TCAIM: variants seen among roughly 807,000 people sequenced by gnomAD.
TCAIM encodes the protein T cell activation inhibitor, mitochondrial, also known as T-cell activation inhibitor, mitochondrial.
TCAIM carries 36 observed loss-of-function variants against 58.6 expected under a neutral mutation model. The observed-to-expected ratio is 0.61, with a 90% CI of 0.47 to 0.81. The LOEUF is 0.81. TCAIM is among the 30% of genes least tolerant of loss of function. The probability of loss-of-function intolerance (pLI) is 0.00; values close to 1 mark genes in which losing one functional copy is unlikely to be tolerated. For missense variants in TCAIM, 466 were observed against 579.6 expected (o/e 0.80, Z 2.01); for synonymous variants, 172 against 193.6 (o/e 0.89, Z 0.93).
intron 5 of TCAIM, 25 bp downstream of exon 5, chr3:44,367,733 A>G: frequency 1.3e-6 from 2 of 1,578,160 alleles, no homozygotes; most frequent in Non-Finnish European, 1.7e-6. Flanking sequence ...TTATCTAACT[A>G]AACTGTATTT....
chr3:44,361,656 AATTAG>A (rs1464397003), intron 4 of TCAIM, 138 bp downstream of exon 4: 2 of 949,968 alleles, frequency 2.1e-6, no homozygotes, highest in Admixed American at 7.5e-5. Context: ...GTTTTCCTAG[AATTAG>A]ATTCTATTCC....
chr3:44,401,434 G>T lies in TCAIM; in HGVS notation c.1250+100G>T, dbSNP rs1350143621. On this transcript the variant is annotated intron_variant, in intron 10 of 10. Coordinates refer to ENST00000342649, the MANE Select transcript of TCAIM (RefSeq NM_173826.4). ...ATATGGGACCTGGAAACAGTATGAA[G>T]CTTAGGAAATTGACTAATTATTAGA... The T allele has an allele frequency of 6.3e-6, 9 of 1,435,670 alleles. No homozygotes were observed. The East Asian group carries it at 2.1e-4, about 34-fold the overall frequency. The allele number at this position is 1,435,670 out of a possible 1,614,324, so 88.9% of individuals were successfully genotyped here.
chr3:44,366,950 C>T (rs1454347887), intron 4 of TCAIM, among the ~76,000 whole-genome samples: 12 of 152,094 alleles, frequency 7.9e-5, no homozygotes. Context: ...GTGGAGTGAG[C>T]AAGTATGAGG....
At chr3:44,376,811 G>A (rs563161880) in intron 5 of TCAIM, among the ~76,000 whole-genome samples, 113 of 152,304 alleles carry the variant, frequency 7.4e-4, no homozygotes, top group African/African-American at 2.3e-3. Flanking sequence ...TGATTTGGCC[G>A]GGCGAGGTGG....
chr3:44,349,036 C>T (rs763016894), intron 1 of TCAIM, among the ~76,000 whole-genome samples: 41 of 151,670 alleles, frequency 2.7e-4, no homozygotes, highest in Admixed American at 2.5e-3. Context: ...GGTTGGGGAG[C>T]GGAGGCTAAG....
At chr3:44,372,890 G>A (rs1283545276) in intron 5 of TCAIM, among the ~76,000 whole-genome samples, 4 of 152,130 alleles carry the variant, frequency 2.6e-5, no homozygotes, top group South Asian at 4.2e-4. Context: ...CACTGCACCC[G>A]GCCCAAAATT....
At chr3:44,394,926 A>G (rs1176665023) in intron 6 of TCAIM, among the ~76,000 whole-genome samples, 6 of 20,770 alleles carry the variant, frequency 2.9e-4, no homozygotes, top group African/African-American at 1.2e-3. Flanking sequence ...AAAAAAATAT[A>G]TATATATATA....
At chr3:44,376,089 T>C (rs575431924) in intron 5 of TCAIM, among the ~76,000 whole-genome samples, 1 of 152,346 alleles carries the variant, frequency 6.6e-6, no homozygotes, top group African/African-American at 2.4e-5. Flanking sequence ...ACATACTGTG[T>C]GATTCCATTT....
At chr3:44,352,378 C>T (rs544288849) in intron 1 of TCAIM, among the ~76,000 whole-genome samples, 6 of 152,172 alleles carry the variant, frequency 3.9e-5, no homozygotes, top group East Asian at 1.9e-4. Flanking sequence ...GTAGTATATT[C>T]GAATATCTTG....
In TCAIM at chr3:44,387,953, T is replaced by G. The variant is rs181232401; in HGVS notation, c.573-4902T>G. ...AATTTGCAGAAATAATATAAAGAAG[T>G]CCCATGTAACCTCCACCCAGATTCC... On this transcript the variant is annotated intron_variant, in intron 5 of 10. Transcript: ENST00000342649. Among the ~76,000 whole-genome samples the G allele has an allele frequency of 2.6e-3, 398 of 151,960 alleles. 5 individuals are homozygous for G. Among genetic ancestry groups the G allele is most frequent in the African/African-American group, 9.3e-3 (385 of 41,496 alleles).
intron 3 of TCAIM, chr3:44,359,879 G>T (rs1332764663): frequency 2.0e-5 from 3 of 152,206 alleles, no homozygotes; most frequent in Non-Finnish European, 2.9e-5. Flanking sequence ...GACACAATGT[G>T]CCTAGAGTTT....
intron 1 of TCAIM, among the ~76,000 whole-genome samples, chr3:44,350,551 T>C (rs1575238573): frequency 2.0e-5 from 3 of 151,992 alleles, no homozygotes; most frequent in African/African-American, 7.2e-5. Flanking sequence ...TTACCTTAGC[T>C]TTCTGAGTAG....
chr3:44,351,148 C>T (rs1701080242), intron 1 of TCAIM, among the ~76,000 whole-genome samples: 1 of 152,150 alleles, frequency 6.6e-6, no homozygotes, highest in Non-Finnish European at 1.5e-5. Flanking sequence ...ACCACCATGG[C>T]TGGCTAATTT....
chr3:44,356,833 G>A (rs1253212066), intron 2 of TCAIM, among the ~76,000 whole-genome samples: 1 of 150,068 alleles, frequency 6.7e-6, no homozygotes, highest in Non-Finnish European at 1.5e-5. Context: ...AAAAACAGTC[G>A]GCGGTAGTGG....
chr3:44,364,573 T>C (rs1701343988), intron 4 of TCAIM, among the ~76,000 whole-genome samples: 1 of 152,022 alleles, frequency 6.6e-6, no homozygotes, highest in Non-Finnish European at 1.5e-5. Flanking sequence ...AAACCCCGTC[T>C]CTACTAAAAA....
At chr3:44,347,963 C>T (rs367851988) in intron 1 of TCAIM, among the ~76,000 whole-genome samples, 2 of 152,198 alleles carry the variant, frequency 1.3e-5, no homozygotes, top group South Asian at 2.1e-4. Context: ...TAGGAATAGT[C>T]AGGAAAGCAG....
At chr3:44,366,909 A>G (rs1701388117) in intron 4 of TCAIM, among the ~76,000 whole-genome samples, 1 of 152,148 alleles carries the variant, frequency 6.6e-6, no homozygotes, top group Admixed American at 6.5e-5. Context: ...AGAATTTTAA[A>G]TCACTCCTGA....
chr3:44,398,466 T>C (rs1226461078), intron 8 of TCAIM, among the ~76,000 whole-genome samples: 1 of 151,190 alleles, frequency 6.6e-6, no homozygotes, highest in South Asian at 2.1e-4. Flanking sequence ...GATAGATAGA[T>C]AGATAGATAG....
Position 44,375,842 on chromosome 3 carries a change from T to C in TCAIM, c.572+8134T>C, listed in dbSNP as rs573154171. Among the ~76,000 whole-genome samples the C allele has an allele frequency of 7.9e-5, 12 of 152,260 alleles. No homozygotes were observed. In the South Asian group the frequency reaches 2.5e-3, roughly 32 times the overall value. ...AAGAATTCCACTCCTAGGTATACAC[T>C]CAAGAGAAATGAAAACAGACATTCA... On this transcript the variant is annotated intron_variant, in intron 5 of 10. Coordinates refer to ENST00000342649, the MANE Select transcript of TCAIM (RefSeq NM_173826.4).
Sources: gnomAD v4.1 joint callset for allele counts (sites outside exome capture counted in the v4.1 genomes callset) on GRCh38, gnomAD v4.1.1 for gene constraint, MANE v1.5 for transcripts, NCBI Gene and HGNC (gene_info 2026-07-23, HGNC 2026-07-21) for gene names.